The following ATXN1 variants were observed in gnomAD, a reference collection of about 807,000 sequenced individuals.
ATXN1 encodes the protein ataxin 1.
Under a neutral mutation model 56.4 loss-of-function variants are expected in ATXN1, and 8 were observed. The observed-to-expected ratio is 0.14, with a 90% CI of 0.08 to 0.26. ATXN1 has a LOEUF of 0.26. Among genes scored for constraint, ATXN1 ranks in the 10% least tolerant of loss-of-function variants. ATXN1 has a pLI of 1.00. For synonymous variants in ATXN1, 514 were observed against 494.6 expected, an observed-to-expected ratio of 1.04 and a Z score of -0.52; for missense variants, 987 against 1,106.5, an observed-to-expected ratio of 0.89 and a Z score of 1.53.
chr6:16,512,396 G>C (rs1761100761), intron 5 of ATXN1, among the ~76,000 whole-genome samples: 1 of 152,184 alleles, frequency 6.6e-6, no homozygotes, highest in African/African-American at 2.4e-5. Flanking sequence ...TCTAAGAAGA[G>C]TAACGCATTT....
chr6:16,588,662 T>C (rs236975), intron 3 of ATXN1, among the ~76,000 whole-genome samples: 9,758 of 152,238 alleles, frequency 0.064, 414 homozygotes, highest in African/African-American at 0.13. Flanking sequence ...CACGAATCAA[T>C]AAACTCCAGA....
chr6:16,404,523 T>A (rs1316794167), intron 6 of ATXN1, among the ~76,000 whole-genome samples: 1 of 152,162 alleles, frequency 6.6e-6, no homozygotes, highest in Non-Finnish European at 1.5e-5. Flanking sequence ...CAAGAGATGC[T>A]GAGTGAGGGG....
chr6:16,702,796 A>G (rs1240140215), intron 2 of ATXN1, among the ~76,000 whole-genome samples: 5 of 152,366 alleles, frequency 3.3e-5, no homozygotes, highest in Admixed American at 1.3e-4. Flanking sequence ...ATCTCACACC[A>G]GTTAGAATGG....
intron 2 of ATXN1, among the ~76,000 whole-genome samples, chr6:16,685,812 A>G (rs1439609569): frequency 6.6e-6 from 1 of 152,232 alleles, no homozygotes; most frequent in Non-Finnish European, 1.5e-5. Context: ...ATAATTTCAC[A>G]AAGCAAAGAC....
chr6:16,369,303 C>T (rs1387323899), intron 6 of ATXN1, among the ~76,000 whole-genome samples: 1 of 152,228 alleles, frequency 6.6e-6, no homozygotes, highest in African/African-American at 2.4e-5. Flanking sequence ...CCAACCCACA[C>T]AGACAAAGAA....
intron 6 of ATXN1, among the ~76,000 whole-genome samples, chr6:16,442,732 C>G (rs1759543517): frequency 6.6e-6 from 1 of 152,184 alleles, no homozygotes; most frequent in South Asian, 2.1e-4. Flanking sequence ...TACTGGAAGG[C>G]TGGGCATGGT....
intron 5 of ATXN1, among the ~76,000 whole-genome samples, chr6:16,493,509 C>A (rs997103724): frequency 2.8e-5 from 3 of 107,620 alleles, no homozygotes; most frequent in African/African-American, 1.1e-4. Context: ...TTTTAAAATT[C>A]ATTTTCCTTA....
intron 4 of ATXN1, among the ~76,000 whole-genome samples, chr6:16,551,480 T>C (rs528519650): frequency 6.6e-6 from 1 of 152,124 alleles, no homozygotes; most frequent in Admixed American, 6.5e-5. Flanking sequence ...CAAGAGACCA[T>C]TGCGGTTGGA....
At position 16,564,129 on chromosome 6, in the gene ATXN1, A is replaced by G. The variant is rs73368758; in HGVS notation, c.-361+21651T>C. ...TCTCTAAACCTCAGCCCCCGTCTAT[A>G]AAGTGAGAAACATTGTAACACATAC... On this transcript the variant is annotated intron_variant, in intron 4 of 7. Transcript: ENST00000436367. 7.1e-3 allele frequency among the ~76,000 whole-genome samples: 1,087 copies of G among 152,302 alleles called. 12 individuals carry two copies. Among genetic ancestry groups the G allele is most frequent in the African/African-American group, 0.025 (1,036 of 41,560 alleles).
At chr6:16,752,338 A>T (rs1474997605) in intron 2 of ATXN1, among the ~76,000 whole-genome samples, 3 of 152,150 alleles carry the variant, frequency 2.0e-5, no homozygotes. Context: ...AAACCTGTGG[A>T]GCATCAGTGC....
chr6:16,719,629 A>G (rs1252874846), intron 2 of ATXN1, among the ~76,000 whole-genome samples: 1 of 152,178 alleles, frequency 6.6e-6, no homozygotes, highest in African/African-American at 2.4e-5. Flanking sequence ...CAGCTGAGAT[A>G]GGCTCTCCGG....
At chr6:16,412,393 T>C (rs1758817513) in intron 6 of ATXN1, among the ~76,000 whole-genome samples, 1 of 152,212 alleles carries the variant, frequency 6.6e-6, no homozygotes, top group Non-Finnish European at 1.5e-5. Context: ...TTCTGCTTTA[T>C]CTCAGAGGCC....
chr6:16,704,298 A>G (rs1220951542), intron 2 of ATXN1, among the ~76,000 whole-genome samples: 1 of 151,988 alleles, frequency 6.6e-6, no homozygotes, highest in Non-Finnish European at 1.5e-5. Flanking sequence ...TTTACGGAGC[A>G]GTTCCTTAAC....
intron 3 of ATXN1, among the ~76,000 whole-genome samples, chr6:16,599,823 T>C (rs567950706): frequency 9.2e-5 from 14 of 152,118 alleles, no homozygotes; most frequent in Non-Finnish European, 1.6e-4. Flanking sequence ...AACATTAACA[T>C]GTCAAGACAT....
intron 3 of ATXN1, among the ~76,000 whole-genome samples, chr6:16,591,070 T>C (rs1762713630): frequency 6.6e-6 from 1 of 152,094 alleles, no homozygotes; most frequent in Non-Finnish European, 1.5e-5. Flanking sequence ...TCGACCAGCA[T>C]GTGGTCTCCC....
intron 6 of ATXN1, among the ~76,000 whole-genome samples, chr6:16,470,116 T>C (rs13193481): frequency 6.6e-6 from 1 of 152,136 alleles, no homozygotes; most frequent in Non-Finnish European, 1.5e-5. Context: ...AAGCTAAATG[T>C]GGTCTACACA....
chr6:16,403,111 C>T (rs6907417), intron 6 of ATXN1, among the ~76,000 whole-genome samples: 5,256 of 152,126 alleles, frequency 0.035, 141 homozygotes, highest in African/African-American at 0.072. Flanking sequence ...TAAATACATA[C>T]GTCACACATG....
chr6:16,584,019 T>C (rs1447138504), intron 4 of ATXN1, among the ~76,000 whole-genome samples: 4 of 151,836 alleles, frequency 2.6e-5, no homozygotes, highest in African/African-American at 9.7e-5. Flanking sequence ...ATTTCATATA[T>C]ATTATTTGCA....
chr6:16,404,621 T>G (rs1413646079), intron 6 of ATXN1, among the ~76,000 whole-genome samples: 2 of 151,832 alleles, frequency 1.3e-5, no homozygotes, highest in East Asian at 3.9e-4. Context: ...TTCCTCCAGT[T>G]AAGGTCCCTG....
Sources: allele counts gnomAD v4.1 joint callset (sites outside exome capture counted in the v4.1 genomes callset), GRCh38; gene constraint gnomAD v4.1.1; transcripts MANE v1.5; gene names NCBI Gene and HGNC (gene_info 2026-07-23, HGNC 2026-07-21).